Variants in TYW1 observed in about 807,000 individuals in gnomAD.
The protein encoded by TYW1 is tRNA-yW synthesizing protein 1 homolog.
A neutral mutation model predicts 96.2 loss-of-function variants in TYW1; 46 were observed. The ratio of observed to expected loss-of-function variants is 0.48; its 90% CI spans 0.38 to 0.61. TYW1 has a LOEUF of 0.61. TYW1 is among the 20% of genes least tolerant of loss of function. The pLI, the probability that TYW1 is intolerant of heterozygous loss-of-function variation, is 0.00. For synonymous variants in TYW1, 274 were observed against 323.0 expected (o/e 0.85, Z 1.63); for missense variants, 684 against 909.6 (o/e 0.75, Z 3.19).
intron 15 of TYW1, among the ~76,000 whole-genome samples, chr7:67,208,760 A>G (rs976389277): frequency 1.1e-4 from 16 of 151,928 alleles, no homozygotes; most frequent in Admixed American, 8.5e-4. Context: ...TTACATTTAC[A>G]TGACCTTTAA....
rs1224801455 is a variant in TYW1 at position 67,133,614 on chromosome 7, C to CA, written c.1698+16011dup. Among the ~76,000 whole-genome samples, 190 of 56,580 alleles carry CA rather than the reference C, an allele frequency of 3.4e-3. 7 individuals are homozygous for CA. Among genetic ancestry groups the CA allele is most frequent in the East Asian group, 9.0e-3 (21 of 2,330 alleles). The allele number at this position is 56,580 out of a possible 152,430, so 37.1% of individuals were successfully genotyped here. ...TTGGCGGCTGAGCGAGTTTCCATCT[C>CA]AAAAAAAAAAAAAAAGAAAAAAAAA... On this transcript the variant is annotated intron_variant, in intron 13 of 15. Transcript: ENST00000359626.
At chr7:67,229,358 C>T (rs533929483) in intron 15 of TYW1, among the ~76,000 whole-genome samples, 5 of 151,504 alleles carry the variant, frequency 3.3e-5, no homozygotes, top group Admixed American at 6.6e-5. Flanking sequence ...GCCAACGTAG[C>T]GAAACCCCAT....
At chr7:67,102,900 T>C (rs746468376) in intron 12 of TYW1, among the ~76,000 whole-genome samples, 13 of 152,160 alleles carry the variant, frequency 8.5e-5, no homozygotes, top group East Asian at 1.9e-4. Context: ...CCGCCCGCCT[T>C]GGCCTCCCAA....
At chr7:67,101,379 G>C (rs564777679) in intron 12 of TYW1, among the ~76,000 whole-genome samples, 7 of 152,102 alleles carry the variant, frequency 4.6e-5, no homozygotes, top group South Asian at 2.1e-4. Context: ...TTGAAGTGGC[G>C]GGGTTTGTCC....
intron 4 of TYW1, among the ~76,000 whole-genome samples, chr7:67,010,463 G>A (rs1793754182): frequency 6.6e-6 from 1 of 150,990 alleles, no homozygotes; most frequent in Non-Finnish European, 1.5e-5. Flanking sequence ...GCCATGCCCT[G>A]CTAATTTTAA....
At chr7:67,169,851 G>C (rs10272591) in intron 13 of TYW1, among the ~76,000 whole-genome samples, 1 of 152,028 alleles carries the variant, frequency 6.6e-6, no homozygotes, top group African/African-American at 2.4e-5. Context: ...ACAGGTTTTA[G>C]TGTGAATATA....
chr7:67,084,005 A>C (rs919597887), intron 11 of TYW1, among the ~76,000 whole-genome samples: 3 of 152,218 alleles, frequency 2.0e-5, no homozygotes, highest in Admixed American at 6.5e-5. Flanking sequence ...ACTCCACTCC[A>C]ACCTGGGCAA....
At chr7:67,231,416 T>C (rs35507085) in intron 15 of TYW1, among the ~76,000 whole-genome samples, 40,632 of 151,950 alleles carry the variant, frequency 0.27, 5,796 homozygotes, top group African/African-American at 0.36. Context: ...TCTGGGATCC[T>C]GTGTTTCCTA....
chr7:67,102,272 A>G (rs953150659), intron 12 of TYW1, among the ~76,000 whole-genome samples: 7 of 152,230 alleles, frequency 4.6e-5, no homozygotes, highest in African/African-American at 1.4e-4. Context: ...TATTTACCCG[A>G]AAACGTCCAA....
At chr7:67,195,058 C>T (rs55921608) in intron 14 of TYW1, 112 bp from the exon 15 acceptor site, 236,830 of 1,189,950 alleles carry the variant, frequency 0.2, 25,238 homozygotes, top group African/African-American at 0.4. Flanking sequence ...CTGTAAAATA[C>T]GGACTGGATT....
intron 15 of TYW1, among the ~76,000 whole-genome samples, chr7:67,208,935 T>C (rs887608719): frequency 7.9e-5 from 12 of 152,160 alleles, no homozygotes; most frequent in African/African-American, 2.9e-4. Context: ...CATTTCTTAA[T>C]TGTAGTGAAA....
At chr7:67,097,479 A>G (rs1394967832) in intron 11 of TYW1, among the ~76,000 whole-genome samples, 2 of 151,448 alleles carry the variant, frequency 1.3e-5, no homozygotes, top group Non-Finnish European at 2.9e-5. Context: ...TCTCACTGCA[A>G]TCTGTGCCTC....
intron 11 of TYW1, among the ~76,000 whole-genome samples, chr7:67,092,729 C>G (rs1000569425): frequency 7.7e-6 from 1 of 129,448 alleles, no homozygotes; most frequent in Non-Finnish European, 1.6e-5. Context: ...GCTGCCAAGG[C>G]TGGAGTGCAG....
intron 7 of TYW1, among the ~76,000 whole-genome samples, chr7:67,029,023 G>A (rs563452096): frequency 6.6e-6 from 1 of 151,494 alleles, no homozygotes; most frequent in Admixed American, 6.6e-5. Context: ...TTTTGAGACG[G>A]AGTCTCGCTC....
chr7:67,206,260 T>G (rs1250078232), intron 15 of TYW1, among the ~76,000 whole-genome samples: 1 of 152,196 alleles, frequency 6.6e-6, no homozygotes, highest in Non-Finnish European at 1.5e-5. Context: ...AAACATCTTT[T>G]CCTAATCCTA....
At chr7:67,113,338 G>T (rs1563020293) in intron 12 of TYW1, among the ~76,000 whole-genome samples, 1 of 152,192 alleles carries the variant, frequency 6.6e-6, no homozygotes, top group Non-Finnish European at 1.5e-5. Context: ...AATGTTGAAT[G>T]AAGTGCATAA....
intron 13 of TYW1, among the ~76,000 whole-genome samples, chr7:67,136,224 G>A (rs6460326): frequency 0.28 from 42,132 of 152,140 alleles, 6,689 homozygotes; most frequent in African/African-American, 0.44. Flanking sequence ...GCTTCAGTTT[G>A]TTAACCATAA....
At chr7:67,137,342 A>C (rs1430944469) in intron 13 of TYW1, among the ~76,000 whole-genome samples, 2 of 151,388 alleles carry the variant, frequency 1.3e-5, no homozygotes, top group African/African-American at 4.8e-5. Context: ...TAAGCCAGGC[A>C]TGGTGGCTCA....
chr7:67,136,966 G>A (rs1411944430), intron 13 of TYW1, among the ~76,000 whole-genome samples: 1 of 151,464 alleles, frequency 6.6e-6, no homozygotes, highest in South Asian at 2.1e-4. Flanking sequence ...GGGATTACAG[G>A]TGCCTGCCAC....
Sources: gnomAD v4.1 joint callset for allele counts (sites outside exome capture counted in the v4.1 genomes callset) on GRCh38, gnomAD v4.1.1 for gene constraint, MANE v1.5 for transcripts, NCBI Gene and HGNC (gene_info 2026-07-23, HGNC 2026-07-21) for gene names.